Variants in KSR1 observed in about 807,000 individuals in gnomAD.
KSR1 encodes kinase suppressor of ras 1.
A neutral mutation model predicts 92.9 loss-of-function variants in KSR1; 35 were observed. That is an observed-to-expected ratio of 0.38 (90% CI 0.29 to 0.50). KSR1 has a LOEUF of 0.50. Among genes scored for constraint, KSR1 ranks in the 20% least tolerant of loss-of-function variants. KSR1 has a pLI of 0.94. For missense variants in KSR1, 972 were observed against 1,158.5 expected, an observed-to-expected ratio of 0.84 and a Z score of 2.34; for synonymous variants, 467 against 472.6, an observed-to-expected ratio of 0.99 and a Z score of 0.15.
intron 2 of KSR1, among the ~76,000 whole-genome samples, chr17:27,576,143 TTC>T (rs1443377271): frequency 1.3e-5 from 2 of 152,216 alleles, no homozygotes; most frequent in African/African-American, 4.8e-5. Context: ...GTCTCTTGAC[TTC>T]TCTGTTACCA....
intron 1 of KSR1, among the ~76,000 whole-genome samples, chr17:27,476,097 T>A (rs1473687812): frequency 1.3e-5 from 2 of 152,208 alleles, no homozygotes. Flanking sequence ...CTCCTAGCTA[T>A]CAGGCTCTGA....
At chr17:27,521,961 C>T (rs1284824716) in intron 1 of KSR1, among the ~76,000 whole-genome samples, 1 of 152,246 alleles carries the variant, frequency 6.6e-6, no homozygotes, top group African/African-American at 2.4e-5. Flanking sequence ...TTCTCTTGCA[C>T]ATATTTACCA....
intron 1 of KSR1, among the ~76,000 whole-genome samples, chr17:27,464,940 TAAA>T (rs111417449): frequency 7.5e-6 from 1 of 134,144 alleles, no homozygotes; most frequent in Non-Finnish European, 1.6e-5. Context: ...CTGATGAGCT[TAAA>T]AAAAAAAAAA....
intron 20 of KSR1, chr17:27,622,229 T>G: frequency 2.1e-6 from 1 of 473,546 alleles, no homozygotes; most frequent in Non-Finnish European, 3.8e-6. Flanking sequence ...ACATGACTGA[T>G]TGCTCCCGTG....
intron 2 of KSR1, chr17:27,566,392 T>C (rs1395271686): frequency 2.0e-5 from 8 of 399,276 alleles, no homozygotes; most frequent in African/African-American, 8.2e-5. Context: ...CCTGCCTCCT[T>C]CTTCCCTGGG....
At chr17:27,601,229 G>A in intron 10 of KSR1, 131 bp from the exon 11 acceptor site, 1 of 739,314 alleles carries the variant, frequency 1.4e-6, no homozygotes, top group Non-Finnish European at 2.3e-6. Flanking sequence ...GTCCTTGCCA[G>A]GTCCATCTGG....
At chr17:27,580,177 C>G (rs2072693985) in intron 3 of KSR1, among the ~76,000 whole-genome samples, 2 of 152,110 alleles carry the variant, frequency 1.3e-5, no homozygotes, top group Non-Finnish European at 2.9e-5. Context: ...CAAGCTTGCT[C>G]CCTTTGGTAG....
chr17:27,463,354 G>A (rs1244080357), intron 1 of KSR1, among the ~76,000 whole-genome samples: 3 of 151,526 alleles, frequency 2.0e-5, no homozygotes, highest in Non-Finnish European at 4.4e-5. Context: ...ACAAGAAATA[G>A]AAAATTAGCC....
At chr17:27,473,476 G>A (rs545496666) in intron 1 of KSR1, among the ~76,000 whole-genome samples, 15 of 152,318 alleles carry the variant, frequency 9.8e-5, no homozygotes, top group African/African-American at 3.4e-4. Flanking sequence ...GCAAGAGGTG[G>A]GGGCTTCTGG....
intron 2 of KSR1, among the ~76,000 whole-genome samples, chr17:27,551,903 G>T (rs2071410287): frequency 3.9e-5 from 6 of 152,166 alleles, no homozygotes; most frequent in Admixed American, 3.9e-4. Flanking sequence ...AGGTGACTTG[G>T]ATCCCATCCT....
In KSR1 at chr17:27,597,432, C is replaced by T. The variant is rs758521796; in HGVS notation, c.1464C>T (p.Phe488=). ...GCCAGCGGGACAGCAGGTTCAACTTCCCAGGTACCACATCTCCAGGCTTTT... is the reference window on the plus strand; with the variant it reads ...GCCAGCGGGACAGCAGGTTCAACTTTCCAGGTACCACATCTCCAGGCTTTT... ...SPGQRDSRFN[F]PAAYFIHHRQ... is the part of the protein sequence containing the mutation. Residue 488 remains phenylalanine, a synonymous_variant, in exon 10 of 21, where the codon TTC becomes TTT. Transcript: ENST00000644974. The T allele has an allele frequency of 1.6e-5, 25 of 1,602,490 alleles. No individual in the cohort carries two copies. Among genetic ancestry groups the T allele is most frequent in the South Asian group, 6.7e-5 (6 of 89,704 alleles).
chr17:27,508,709 TTTTA>T (rs60879548), intron 1 of KSR1, among the ~76,000 whole-genome samples: 92 of 138,326 alleles, frequency 6.7e-4, no homozygotes, highest in African/African-American at 9.8e-4. Flanking sequence ...CCTGAATTTT[TTTTA>T]TTTATTTATT....
chr17:27,551,416 C>T (rs2071392027), intron 2 of KSR1, among the ~76,000 whole-genome samples: 1 of 151,864 alleles, frequency 6.6e-6, no homozygotes, highest in Admixed American at 6.6e-5. Flanking sequence ...TCCCCTACTT[C>T]TATCCTAAAA....
At chr17:27,529,520 C>T (rs1477043026) in intron 1 of KSR1, among the ~76,000 whole-genome samples, 6 of 152,192 alleles carry the variant, frequency 3.9e-5, no homozygotes, top group South Asian at 2.1e-4. Flanking sequence ...GGGGCGATGC[C>T]GCTCCACGCT....
intron 1 of KSR1, among the ~76,000 whole-genome samples, chr17:27,470,816 G>A (rs750686395): frequency 6.6e-6 from 1 of 151,618 alleles, no homozygotes; most frequent in Non-Finnish European, 1.5e-5. Flanking sequence ...GACCTTGTTA[G>A]ATATTCCTTA....
chr17:27,588,327 T>C (rs932584581), intron 5 of KSR1, 148 bp from the exon 6 acceptor site: 5 of 590,556 alleles, frequency 8.5e-6, no homozygotes, highest in Admixed American at 3.3e-5. Flanking sequence ...GGCCTGCTCC[T>C]GTGTTGATGG....
rs76228760 is a variant in KSR1, at chr17:27,575,912, A to C, written c.373-1580A>C. On this transcript the variant is annotated intron_variant, in intron 2 of 20. Transcript: ENST00000644974. The stretch of plus-strand genomic sequence containing the variant: ...TGCTTATATCCCTACTTGGGATCTC[A>C]CAAGGCTGAGGTCAAGGTGTAGGCC... Among the ~76,000 whole-genome samples, 505 of 152,316 alleles carry C rather than the reference A, an allele frequency of 3.3e-3. 3 individuals are homozygous for C. The highest frequency in any genetic ancestry group is 5.4e-3 in the Non-Finnish European group (370 of 68,020).
At chr17:27,571,143 G>A (rs2072290261) in intron 2 of KSR1, among the ~76,000 whole-genome samples, 2 of 152,200 alleles carry the variant, frequency 1.3e-5, no homozygotes, top group African/African-American at 2.4e-5. Flanking sequence ...TCTCCTGGGA[G>A]GGGGTTTTGT....
chr17:27,498,252 C>T (rs2069057741), intron 1 of KSR1, among the ~76,000 whole-genome samples: 1 of 150,194 alleles, frequency 6.7e-6, no homozygotes, highest in Non-Finnish European at 1.5e-5. Context: ...ATGGCATGAA[C>T]TCGGGAGGCA....
Sources: allele counts gnomAD v4.1 joint callset (sites outside exome capture counted in the v4.1 genomes callset), GRCh38; gene constraint gnomAD v4.1.1; transcripts MANE v1.5; gene names NCBI Gene and HGNC (gene_info 2026-07-23, HGNC 2026-07-21).